The following ALKBH5 variants were observed in gnomAD, a reference collection of about 807,000 sequenced individuals.
ALKBH5 encodes alkB homolog 5, RNA demethylase.
In ALKBH5, 2 loss-of-function variants were observed where a neutral mutation model predicts 32.1. That is an observed-to-expected ratio of 0.06 (90% CI 0.03 to 0.20). The LOEUF (loss-of-function observed/expected upper bound fraction) is 0.20, where lower values mean the gene tolerates loss of function less well. Ranked by LOEUF, ALKBH5 falls within the 10% of genes least tolerant of loss-of-function variation. The pLI is 1.00. For synonymous variants in ALKBH5, 300 were observed against 231.7 expected (o/e 1.29, Z -2.68); for missense variants, 352 against 559.5 (o/e 0.63, Z 3.74).
rs1242255367 is a variant in ALKBH5, at chr17:18,209,308, G to A, written c.*912G>A. 1 of 152,448 alleles carries A rather than the reference G, an allele frequency of 6.6e-6. No individual in the cohort carries two copies. Among genetic ancestry groups the A allele is most frequent in the Non-Finnish European group, 1.5e-5 (1 of 68,030 alleles). The allele number at this position is 152,448 out of a possible 1,614,324, so 9.4% of individuals were successfully genotyped here. On this transcript the variant is annotated 3_prime_UTR_variant, in exon 4 of 4. Transcript: ENST00000399138. ...GTAGGGTTTTTGTTTTCTTTTTTGAGTTTTTTTTCCCCCTTTAGTCTCCTG... is the reference window on the plus strand; with the variant it reads ...GTAGGGTTTTTGTTTTCTTTTTTGAATTTTTTTTCCCCCTTTAGTCTCCTG...
chr17:18,209,413 C>T lies in ALKBH5; in HGVS notation c.*1017C>T, dbSNP rs576968104. On this transcript the variant is annotated 3_prime_UTR_variant, in exon 4 of 4. Transcript: ENST00000399138. The stretch of plus-strand genomic sequence containing the variant: ...TCATCCTTCTAGGAAGGCGCCTGCC[C>T]CATCTTGTCTGCCGGCAGCATGCAT... 1 of 152,708 alleles carries T rather than the reference C, an allele frequency of 6.5e-6. No homozygotes were observed. The highest frequency in any genetic ancestry group is 2.1e-4 in the South Asian group (1 of 4,822). 9.5% of individuals were successfully genotyped at this position (152,708 alleles called of 1,614,324 possible). A position where few individuals can be genotyped will look rare whatever the true frequency, so the allele number is the denominator to read the frequency against.
chr17:18,199,582 C>T (rs145090440), intron 2 of ALKBH5, among the ~76,000 whole-genome samples: 228 of 152,284 alleles, frequency 1.5e-3, no homozygotes, highest in Middle Eastern at 6.8e-3. Context: ...AGTGAGCTGC[C>T]TCAGGTCATT....
Position 18,208,481 on chromosome 17 carries a change from T to C in ALKBH5, c.*85T>C, listed in dbSNP as rs2047283846. The C allele has an allele frequency of 3.4e-6, 5 of 1,480,670 alleles. No homozygotes were observed. The highest frequency in any genetic ancestry group is 1.5e-5 in the African/African-American group (1 of 67,704). The allele number at this position is 1,480,670 out of a possible 1,614,324, so 91.7% of individuals were successfully genotyped here. A position where few individuals can be genotyped will look rare whatever the true frequency, so the allele number is the denominator to read the frequency against. ...GTTTTGAGGGTTTTGTTTTTGTTCA[T>C]TGGGGGGTTTTTGTTTTTTGTTTTT... On this transcript the variant is annotated 3_prime_UTR_variant, in exon 4 of 4. Transcript: ENST00000399138.
At chr17:18,191,017 C>T (rs1262685635) in intron 1 of ALKBH5, among the ~76,000 whole-genome samples, 1 of 152,208 alleles carries the variant, frequency 6.6e-6, no homozygotes, top group Admixed American at 6.5e-5. Flanking sequence ...GTTATTTCCT[C>T]TTCTCCTTTC....
rs1355794523 is a variant in ALKBH5, at chr17:18,184,330, G to GGCC, written c.96_98dup (p.Ala37dup). On this transcript the variant is annotated inframe_insertion, in exon 1 of 4. Coordinates refer to ENST00000399138, the MANE Select transcript of ALKBH5 (RefSeq NM_017758.4). The stretch of plus-strand genomic sequence containing the variant: ...ACAACTATAAGGCGGGCAGCCGGGA[G>GGCC]GCCGCCGCCGCTGCCGCAGCCGCCG... The GGCC allele has an allele frequency of 2.0e-6, 3 of 1,511,874 alleles. No individual in the cohort carries two copies. The highest frequency in any genetic ancestry group is 2.6e-6 in the Non-Finnish European group (3 of 1,133,992). 93.7% of individuals were successfully genotyped at this position (1,511,874 alleles called of 1,614,324 possible).
rs1296382448 is a variant in ALKBH5, at chr17:18,185,006, G to C, written c.763G>C (p.Val255Leu). 2 of 1,607,160 alleles carry C rather than the reference G, an allele frequency of 1.2e-6. No individual in the cohort carries two copies. Among genetic ancestry groups the C allele is most frequent in the East Asian group, 2.2e-5 (1 of 44,820 alleles). Residue 255 changes from valine to leucine, a missense_variant, in exon 1 of 4, where the codon GTG becomes CTG. Val to Leu is a conservative substitution (Grantham distance 32, BLOSUM62 1). Around this residue, in one of 4 missense-constraint regions of ALKBH5, gnomAD observed 56 missense variants for 238.1 expected, o/e 0.24. Transcript: ENST00000399138. ...GCCGGTGCGCAGGGGAAGCGTGACT[G>C]TGCTCAGGTAACCCACCCGGGTGGA... ...SLPVRRGSVT[V>L]LSGYAADEIT...
Position 18,184,151 on chromosome 17 carries a change from C to T in ALKBH5, c.-93C>T, listed in dbSNP as rs1045940194. The T allele has an allele frequency of 1.8e-4, 210 of 1,171,660 alleles. No homozygotes were observed. The highest frequency in any genetic ancestry group is 1.4e-3 in the Admixed American group (56 of 38,794). 72.6% of individuals were successfully genotyped at this position (1,171,660 alleles called of 1,614,324 possible). A position where few individuals can be genotyped will look rare whatever the true frequency, so the allele number is the denominator to read the frequency against. ...ATGGGGGTTCGGCGCTAAGGACCCC[C>T]CTCCCTCCGGGGGCCCCGGGGCGCG... On this transcript the variant is annotated 5_prime_UTR_variant, in exon 1 of 4. Transcript: ENST00000399138.
chr17:18,196,678 C>A (rs1039602012), intron 2 of ALKBH5, among the ~76,000 whole-genome samples: 1 of 152,184 alleles, frequency 6.6e-6, no homozygotes, highest in Non-Finnish European at 1.5e-5. Context: ...TATTGATCAT[C>A]TGGCCAATGC....
chr17:18,190,362 C>G (rs2047166124), intron 1 of ALKBH5, among the ~76,000 whole-genome samples: 1 of 152,028 alleles, frequency 6.6e-6, no homozygotes, highest in Non-Finnish European at 1.5e-5. Context: ...CAAGAATGGC[C>G]AAGATGGTGA....
chr17:18,194,695 C>G (rs1413849714), intron 1 of ALKBH5, among the ~76,000 whole-genome samples: 1 of 152,174 alleles, frequency 6.6e-6, no homozygotes, highest in African/African-American at 2.4e-5. Context: ...CAGGGAGAGT[C>G]TTGCTTCCAG....
chr17:18,199,269 A>G (rs1225325036), intron 2 of ALKBH5, among the ~76,000 whole-genome samples: 2 of 152,196 alleles, frequency 1.3e-5, no homozygotes, highest in Non-Finnish European at 2.9e-5. Context: ...GCAGCATGCA[A>G]GTCTTTTCTC....
At chr17:18,195,702 A>G (rs1333363596) in intron 2 of ALKBH5, among the ~76,000 whole-genome samples, 2 of 152,212 alleles carry the variant, frequency 1.3e-5, no homozygotes, top group Non-Finnish European at 2.9e-5. Context: ...CAGTGGTGCC[A>G]TCATAGCTCA....
At chr17:18,195,116 C>G (rs2142477483) in intron 2 of ALKBH5, 81 bp downstream of exon 2, 1 of 1,190,242 alleles carries the variant, frequency 8.4e-7, no homozygotes, top group Non-Finnish European at 1.2e-6. Flanking sequence ...TAGAACTCAG[C>G]TCCTATGTAT....
At chr17:18,206,666 T>G in intron 2 of ALKBH5, 149 bp from the exon 3 acceptor site, 1 of 813,912 alleles carries the variant, frequency 1.2e-6, no homozygotes, top group Non-Finnish European at 2.0e-6. Context: ...AATCTCTAGT[T>G]GAACCTCAAG....
At chr17:18,203,954 G>T (rs1438117956) in intron 2 of ALKBH5, among the ~76,000 whole-genome samples, 4 of 152,186 alleles carry the variant, frequency 2.6e-5, no homozygotes, top group Non-Finnish European at 5.9e-5. Context: ...CTTCACTGGG[G>T]CTTTTGGGGC....
chr17:18,206,841 A>C lies in ALKBH5; in HGVS notation c.878A>C (p.Glu293Ala). The stretch of plus-strand genomic sequence containing the variant: ...ACAAGATTAGATGCACCCCGGTTGG[A>C]AACAAAGTCCCTGAGCAGCTCCGTG... ...RKTRLDAPRL[E>A]TKSLSSSVLP... Residue 293 changes from glutamate (E) to alanine (A), a missense_variant, in exon 3 of 4, where the codon GAA becomes GCA. Glu to Ala is a moderately radical substitution (Grantham distance 107, BLOSUM62 -1). Coordinates refer to ENST00000399138, the MANE Select transcript of ALKBH5 (RefSeq NM_017758.4). 1.2e-6 allele frequency: 2 copies of C among 1,614,164 alleles called. No homozygotes were observed. Among genetic ancestry groups the C allele is most frequent in the African/African-American group, 1.3e-5 (1 of 75,048 alleles).
At chr17:18,207,804 G>GTTT (rs2047278319) in intron 3 of ALKBH5, among the ~76,000 whole-genome samples, 1 of 152,174 alleles carries the variant, frequency 6.6e-6, no homozygotes, top group African/African-American at 2.4e-5. Flanking sequence ...AGATACAAAA[G>GTTT]AGCTTTGTGG....
intron 2 of ALKBH5, among the ~76,000 whole-genome samples, chr17:18,200,977 C>T (rs760013250): frequency 6.6e-6 from 1 of 151,656 alleles, no homozygotes; most frequent in Non-Finnish European, 1.5e-5. Flanking sequence ...TTGTAGGAAG[C>T]GAAGCTCAAT....
At chr17:18,191,448 G>T (rs2047174347) in intron 1 of ALKBH5, among the ~76,000 whole-genome samples, 1 of 152,192 alleles carries the variant, frequency 6.6e-6, no homozygotes, top group African/African-American at 2.4e-5. Flanking sequence ...ATGGCTTATT[G>T]TTTGTTCTAG....
Sources: allele counts gnomAD v4.1 joint callset (sites outside exome capture counted in the v4.1 genomes callset), GRCh38; gene constraint gnomAD v4.1.1; regional missense constraint gnomAD v4.1.1; transcripts MANE v1.5; gene names NCBI Gene and HGNC (gene_info 2026-07-23, HGNC 2026-07-21).